The following OPRD1 variants were observed in gnomAD, a reference collection of about 807,000 sequenced individuals.
OPRD1 encodes delta-type opioid receptor.
In OPRD1, 19 loss-of-function variants were observed where a neutral mutation model predicts 17.5. That is an observed-to-expected ratio of 1.09 (90% CI 0.76 to 1.60). The LOEUF (loss-of-function observed/expected upper bound fraction) is 1.60. OPRD1 is among the 40% of genes most tolerant of loss of function. OPRD1 has a pLI of 0.00. For missense variants in OPRD1, 483 were observed against 547.2 expected, an observed-to-expected ratio of 0.88 and a Z score of 1.17; for synonymous variants, 256 against 240.9, an observed-to-expected ratio of 1.06 and a Z score of -0.58.
At chr1:28,857,210 G>C (rs1296342468) in intron 1 of OPRD1, among the ~76,000 whole-genome samples, 1 of 152,178 alleles carries the variant, frequency 6.6e-6, no homozygotes, top group Admixed American at 6.5e-5. Context: ...ATCAGGCTTG[G>C]AGCTAAGTGC....
chr1:28,849,487 TACAC>T (rs2088980241), intron 1 of OPRD1, among the ~76,000 whole-genome samples: 3 of 152,046 alleles, frequency 2.0e-5, no homozygotes, highest in Admixed American at 1.3e-4. Context: ...CTCACACTGA[TACAC>T]ATACACACAC....
chr1:28,834,090 T>C (rs112252463), intron 1 of OPRD1, among the ~76,000 whole-genome samples: 2,497 of 152,210 alleles, frequency 0.016, 75 homozygotes, highest in African/African-American at 0.057. Flanking sequence ...TTTTGTATTT[T>C]TAGTAGAGAC....
At chr1:28,837,043 C>T (rs190659830) in intron 1 of OPRD1, among the ~76,000 whole-genome samples, 34 of 152,100 alleles carry the variant, frequency 2.2e-4, no homozygotes, top group Admixed American at 1.6e-3. Flanking sequence ...TACAACTCAC[C>T]GTAAGGTAGA....
At position 28,816,629 on chromosome 1, in the gene OPRD1, A is replaced by C. The variant is rs74065110; in HGVS notation, c.227+4019A>C. 3.4e-3 allele frequency among the ~76,000 whole-genome samples: 511 copies of C among 152,266 alleles called. 5 individuals carry two copies. Among genetic ancestry groups the C allele is most frequent in the African/African-American group, 0.012 (493 of 41,568 alleles). On this transcript the variant is annotated intron_variant, in intron 1 of 2. Transcript: ENST00000234961. ...TGTGGCTGGAGGGAATGAGGCTTCC[A>C]TGAAGCGTGAGCAGGACTTCTGTGG...
At position 28,859,269 on chromosome 1, in the gene OPRD1, G is replaced by GC; in HGVS notation, c.546dup (p.Ile183HisfsTer129). On this transcript the variant is annotated frameshift_variant, in exon 2 of 3. Transcript: ENST00000234961. LOFTEE classifies it high-confidence loss of function. The stretch of plus-strand genomic sequence containing the variant: ...GGGTCCTGGCCTCAGGCGTTGGCGT[G>GC]CCCATCATGGTCATGGCTGTGACCC... 6.2e-7 allele frequency: 1 copy of GC among 1,614,044 alleles called. No homozygotes were observed. The highest frequency in any genetic ancestry group is 8.5e-7 in the Non-Finnish European group (1 of 1,180,006).
rs2124270613 is a variant in OPRD1, at chr1:28,834,283, C to CT, written c.227+21674dup. 2.0e-5 allele frequency among the ~76,000 whole-genome samples: 3 copies of CT among 152,216 alleles called. No individual in the cohort carries two copies. The East Asian group carries it at 5.8e-4, about 29-fold the overall frequency. ...TTGCATTCCCTTTTACCAGTTCCTC[C>CT]TGGAGGGCAGGAACTGTGTCACATT... On this transcript the variant is annotated intron_variant, in intron 1 of 2. Transcript: ENST00000234961.
intron 1 of OPRD1, among the ~76,000 whole-genome samples, chr1:28,850,470 C>T (rs899637430): frequency 4.6e-5 from 7 of 151,982 alleles, no homozygotes; most frequent in African/African-American, 9.7e-5. Context: ...ATTACAGGCA[C>T]GCTCCACCAC....
At chr1:28,833,563 TCTC>T (rs1243959879) in intron 1 of OPRD1, among the ~76,000 whole-genome samples, 4 of 152,088 alleles carry the variant, frequency 2.6e-5, no homozygotes, top group African/African-American at 7.2e-5. Context: ...TCAAGGATAA[TCTC>T]CTTAAAGTCA....
intron 1 of OPRD1, among the ~76,000 whole-genome samples, chr1:28,845,923 C>T (rs377584299): frequency 2.6e-5 from 4 of 152,282 alleles, no homozygotes; most frequent in East Asian, 3.9e-4. Flanking sequence ...CAGTAGTCAG[C>T]GTGATCTTTT....
chr1:28,860,516 G>T (rs2089104136), intron 2 of OPRD1, among the ~76,000 whole-genome samples: 1 of 152,198 alleles, frequency 6.6e-6, no homozygotes, highest in African/African-American at 2.4e-5. Context: ...ATCATGAGAT[G>T]TTGAGAAGGT....
Position 28,812,616 on chromosome 1 carries a change from TC to T in OPRD1, c.227+8del, listed in dbSNP as rs778762607. The T allele has an allele frequency of 1.9e-5, 28 of 1,499,026 alleles. 1 individual carries two copies. The highest frequency in any genetic ancestry group is 2.7e-6 in the Non-Finnish European group (3 of 1,125,550). The allele number at this position is 1,499,026 out of a possible 1,614,324, so 92.9% of individuals were successfully genotyped here. A position where few individuals can be genotyped will look rare whatever the true frequency, so the allele number is the denominator to read the frequency against. Reference sequence around the variant, plus strand: ...GTCATGTTCGGCATCGTCCGGTGAGTCCGCTGCGGGCCGGCGCCGCAGGGCT... The same window carrying T: ...GTCATGTTCGGCATCGTCCGGTGAGTCGCTGCGGGCCGGCGCCGCAGGGCT... On this transcript the variant is annotated splice_region_variant and intron_variant, in intron 1 of 2. Transcript: ENST00000234961.
intron 1 of OPRD1, among the ~76,000 whole-genome samples, chr1:28,824,032 G>A (rs1220628361): frequency 6.6e-6 from 1 of 151,292 alleles, no homozygotes; most frequent in African/African-American, 2.4e-5. Flanking sequence ...AAAAAAGTTA[G>A]CCGGGCGGTA....
chr1:28,862,865 G>A lies in OPRD1; in HGVS notation c.701G>A (p.Gly234Asp). The A allele has an allele frequency of 6.2e-7, 1 of 1,612,604 alleles. No individual in the cohort carries two copies. The highest frequency in any genetic ancestry group is 1.3e-5 in the African/African-American group (1 of 75,064). ...ATCCTCATCATCACCGTGTGCTATG[G>A]CCTCATGCTGCTGCGCCTGCGCAGT... ...VPILIITVCYGLMLLRLRSVR... is the reference protein window; with the variant it reads ...VPILIITVCYDLMLLRLRSVR... The change falls in exon 3 of 3, where the codon GGC becomes GAC. Residue 234 changes from glycine (G) to aspartate (D), a missense_variant. Coordinates refer to ENST00000234961, the MANE Select transcript of OPRD1 (RefSeq NM_000911.4).
chr1:28,836,091 A>G (rs1005812181), intron 1 of OPRD1, among the ~76,000 whole-genome samples: 2 of 152,144 alleles, frequency 1.3e-5, no homozygotes, highest in Non-Finnish European at 2.9e-5. Flanking sequence ...CTGTTGTGAG[A>G]GCTGGGGTGT....
chr1:28,833,124 C>T (rs1343944711), intron 1 of OPRD1, among the ~76,000 whole-genome samples: 1 of 152,192 alleles, frequency 6.6e-6, no homozygotes, highest in Non-Finnish European at 1.5e-5. Context: ...ACTGAGTCTT[C>T]ACAACACTTC....
At chr1:28,823,588 G>A (rs908924813) in intron 1 of OPRD1, among the ~76,000 whole-genome samples, 20 of 151,890 alleles carry the variant, frequency 1.3e-4, no homozygotes, top group African/African-American at 4.4e-4. Context: ...TAGAGACGGG[G>A]TTTCACCATG....
chr1:28,843,701 A>G (rs895081633), intron 1 of OPRD1, among the ~76,000 whole-genome samples: 1 of 151,100 alleles, frequency 6.6e-6, no homozygotes, highest in African/African-American at 2.4e-5. Context: ...GCTTACTGCA[A>G]CCTCAACTTC....
chr1:28,841,247 T>C (rs1044178909), intron 1 of OPRD1, among the ~76,000 whole-genome samples: 1 of 152,228 alleles, frequency 6.6e-6, no homozygotes, highest in African/African-American at 2.4e-5. Flanking sequence ...GTGAGCACAT[T>C]GTCTCCAAAT....
chr1:28,857,549 A>G (rs1420428290), intron 1 of OPRD1, among the ~76,000 whole-genome samples: 7 of 152,036 alleles, frequency 4.6e-5, no homozygotes, highest in Admixed American at 6.6e-5. Flanking sequence ...GCTTGCTGCA[A>G]CCTCTGCCTC....
Sources: gnomAD v4.1 joint callset for allele counts (sites outside exome capture counted in the v4.1 genomes callset) on GRCh38, gnomAD v4.1.1 for gene constraint, MANE v1.5 for transcripts, NCBI Gene and HGNC (gene_info 2026-07-23, HGNC 2026-07-21) for gene names.